PICALM: variants seen among roughly 807,000 people sequenced by gnomAD.
PICALM encodes phosphatidylinositol-binding clathrin assembly protein.
PICALM carries 40 observed loss-of-function variants against 80.5 expected under a neutral mutation model. That is an observed-to-expected ratio of 0.50 (90% CI 0.39 to 0.65). The LOEUF is 0.65. Among genes scored for constraint, PICALM ranks in the 30% least tolerant of loss-of-function variants. The pLI is 0.00. For synonymous variants in PICALM, 288 were observed against 260.3 expected, an observed-to-expected ratio of 1.11 and a Z score of -1.02; for missense variants, 676 against 778.9, an observed-to-expected ratio of 0.87 and a Z score of 1.57.
chr11:86,015,026 C>T, intron 4 of PICALM, 63 bp from the exon 5 acceptor site: 1 of 948,174 alleles, frequency 1.1e-6, no homozygotes, highest in South Asian at 1.6e-5. Context: ...ATTTCAAACT[C>T]CCCCCCTGGT....
At chr11:86,062,621 T>C (rs912230256) in intron 1 of PICALM, among the ~76,000 whole-genome samples, 22 of 152,252 alleles carry the variant, frequency 1.4e-4, no homozygotes, top group Non-Finnish European at 2.9e-4. Flanking sequence ...GTGGGGGATA[T>C]AATATATCTT....
rs921582566 is a variant in PICALM, at chr11:86,026,730, T to TA, written c.274-364dup. On this transcript the variant is annotated intron_variant, in intron 2 of 19. Coordinates refer to ENST00000393346, the MANE Select transcript of PICALM (RefSeq NM_007166.4). ...GTCTGGTAAACCAAAGTTTTGGCTT[T>TA]AAAAAAAAAATACTTCTAAACATAC... Among the ~76,000 whole-genome samples the TA allele has an allele frequency of 1.9e-4, 28 of 149,818 alleles. No homozygotes were observed. The East Asian group carries it at 2.3e-3, about 12-fold the overall frequency.
chr11:86,000,322 T>C (rs897779233), intron 11 of PICALM, among the ~76,000 whole-genome samples: 1 of 152,198 alleles, frequency 6.6e-6, no homozygotes, highest in African/African-American at 2.4e-5. Context: ...CAAAGAGCTA[T>C]AAAGGGTCTT....
intron 1 of PICALM, among the ~76,000 whole-genome samples, chr11:86,045,988 T>C (rs967167718): frequency 7.2e-5 from 11 of 152,208 alleles, no homozygotes; most frequent in African/African-American, 1.7e-4. Flanking sequence ...TTTACTTTCA[T>C]TGCTACATTA....
Position 86,007,593 on chromosome 11 carries a change from A to C in PICALM, c.766-10T>G. On this transcript the variant is annotated splice_polypyrimidine_tract_variant and intron_variant, in intron 7 of 19. Transcript: ENST00000393346. ...TGTCAATTCCAACTTGCTGTAAGAA[A>C]AGCATTGTATTTAATAAATTATAAT... The C allele has an allele frequency of 7.0e-7, 1 of 1,424,724 alleles. No homozygotes were observed. 88.3% of individuals were successfully genotyped at this position (1,424,724 alleles called of 1,614,324 possible). A position where few individuals can be genotyped will look rare whatever the true frequency, so the allele number is the denominator to read the frequency against.
At chr11:85,969,216 A>C (rs914629686) in intron 19 of PICALM, among the ~76,000 whole-genome samples, 14 of 152,208 alleles carry the variant, frequency 9.2e-5, no homozygotes, top group African/African-American at 3.4e-4. Context: ...TGTCTCACTA[A>C]ATGGCAACAA....
chr11:86,064,193 T>C (rs2096410536), intron 1 of PICALM, among the ~76,000 whole-genome samples: 2 of 152,228 alleles, frequency 1.3e-5, no homozygotes, highest in Non-Finnish European at 2.9e-5. Context: ...TAAAAACTTA[T>C]TTCCAATTTC....
intron 1 of PICALM, among the ~76,000 whole-genome samples, chr11:86,038,756 G>A (rs182041481): frequency 2.0e-5 from 3 of 150,086 alleles, no homozygotes; most frequent in Admixed American, 6.6e-5. Flanking sequence ...CAGCCTGGGC[G>A]ACAGAGCGAG....
Position 85,959,031 on chromosome 11 carries a change from T to C in PICALM, c.*15A>G. The C allele has an allele frequency of 6.3e-7, 1 of 1,589,418 alleles. No individual in the cohort carries two copies. The highest frequency in any genetic ancestry group is 8.6e-7 in the Non-Finnish European group (1 of 1,162,956). ...CACTTGTCTTTTTGGAGTAATTCCA[T>C]TTTCTTCCATCAAGTTACATAAACT... On this transcript the variant is annotated 3_prime_UTR_variant, in exon 20 of 20. Transcript: ENST00000393346.
chr11:85,963,371 A>G (rs976817493), intron 19 of PICALM, among the ~76,000 whole-genome samples: 1 of 152,178 alleles, frequency 6.6e-6, no homozygotes, highest in Non-Finnish European at 1.5e-5. Flanking sequence ...AATTAAAACA[A>G]AACAAAAACA....
intron 1 of PICALM, among the ~76,000 whole-genome samples, chr11:86,066,758 AC>A (rs141383794): frequency 7.3e-5 from 11 of 149,790 alleles, no homozygotes; most frequent in African/African-American, 2.2e-4. Context: ...AAAAAAAAAA[AC>A]AAAAAAAAAC....
intron 19 of PICALM, among the ~76,000 whole-genome samples, chr11:85,973,259 A>G (rs981768936): frequency 5.3e-5 from 8 of 152,208 alleles, no homozygotes; most frequent in Non-Finnish European, 1.0e-4. Context: ...TCAATTTATT[A>G]AGAGACGCAT....
intron 19 of PICALM, among the ~76,000 whole-genome samples, chr11:85,970,920 G>A (rs78448597): frequency 3.9e-5 from 6 of 152,190 alleles, no homozygotes; most frequent in Admixed American, 3.9e-4. Context: ...GGGAGGCAGA[G>A]AACATGAGTG....
intron 17 of PICALM, among the ~76,000 whole-genome samples, chr11:85,977,576 T>C (rs540010904): frequency 2.6e-5 from 4 of 152,188 alleles, no homozygotes; most frequent in Non-Finnish European, 5.9e-5. Context: ...AGAAATTAAA[T>C]GAAATATAAC....
rs2030151902 is a variant in PICALM, at chr11:85,968,887, A to G, written c.1944+5821T>C. Among the ~76,000 whole-genome samples the G allele has an allele frequency of 1.3e-5, 2 of 151,770 alleles. 1 individual carries two copies. Among genetic ancestry groups the G allele is most frequent in the South Asian group, 4.1e-4 (2 of 4,822 alleles). On this transcript the variant is annotated intron_variant, in intron 19 of 19. Transcript: ENST00000393346. ...AATGTTAGGCATGAAACAGAAAAAC[A>G]ATAGTATCTGTTGTTAAACAATTCC...
intron 1 of PICALM, among the ~76,000 whole-genome samples, chr11:86,051,016 C>T (rs1032691102): frequency 6.6e-6 from 1 of 152,172 alleles, no homozygotes; most frequent in African/African-American, 2.4e-5. Flanking sequence ...TGCCCATTTC[C>T]TCCTAAAACA....
chr11:86,022,046 TAG>T (rs1182012490), intron 4 of PICALM, among the ~76,000 whole-genome samples: 2 of 152,166 alleles, frequency 1.3e-5, no homozygotes, highest in African/African-American at 4.8e-5. Context: ...CTAATAGGTA[TAG>T]AGTTTCTTTG....
chr11:86,062,218 C>T (rs1024374515), intron 1 of PICALM, among the ~76,000 whole-genome samples: 1 of 152,146 alleles, frequency 6.6e-6, no homozygotes, highest in East Asian at 1.9e-4. Context: ...AACATACAAA[C>T]AGCAAGAGTA....
chr11:86,035,441 A>G (rs924653037), intron 1 of PICALM, among the ~76,000 whole-genome samples: 2 of 152,210 alleles, frequency 1.3e-5, no homozygotes, highest in African/African-American at 4.8e-5. Flanking sequence ...TGATACCCGA[A>G]TAAGATTTTC....
Sources: gnomAD v4.1 joint callset for allele counts (sites outside exome capture counted in the v4.1 genomes callset) on GRCh38, gnomAD v4.1.1 for gene constraint, MANE v1.5 for transcripts, NCBI Gene and HGNC (gene_info 2026-07-23, HGNC 2026-07-21) for gene names.